Variants in SEC24A observed in about 807,000 individuals in gnomAD.
SEC24A encodes the protein SEC24 homolog A, COPII component.
In SEC24A, 93 loss-of-function variants were observed where a neutral mutation model predicts 129.4. The ratio of observed to expected loss-of-function variants is 0.72; its 90% confidence interval spans 0.61 to 0.85. The LOEUF (loss-of-function observed/expected upper bound fraction) is 0.85. Among genes scored for constraint, SEC24A ranks in the 40% least tolerant of loss-of-function variants. The pLI is 0.00. For synonymous variants in SEC24A, 460 were observed against 467.3 expected, an observed-to-expected ratio of 0.98 and a Z score of 0.20; for missense variants, 1,264 against 1,307.4, an observed-to-expected ratio of 0.97 and a Z score of 0.51.
intron 8 of SEC24A, among the ~76,000 whole-genome samples, chr5:134,681,804 G>A (rs1026206254): frequency 6.6e-6 from 1 of 152,228 alleles, no homozygotes; most frequent in Non-Finnish European, 1.5e-5. Flanking sequence ...GTTAAGTGAT[G>A]TTCCATAAAG....
At chr5:134,666,519 C>T (rs1041294432) in intron 2 of SEC24A, among the ~76,000 whole-genome samples, 8 of 151,278 alleles carry the variant, frequency 5.3e-5, no homozygotes, top group Middle Eastern at 3.4e-3. Context: ...ATAGCGCTAT[C>T]GCATTCCAGC....
At position 134,705,308 on chromosome 5, in the gene SEC24A, T is replaced by A. The variant is rs1310712465; in HGVS notation, c.2441-19T>A. ...TTATATAGTTGCCCCTCACTGTTGT[T>A]TGTGTATTTTCCCCAAAGGCGAAAG... is the stretch of plus-strand genomic sequence containing the variant. On this transcript the variant is annotated intron_variant, in intron 16 of 22. Coordinates refer to ENST00000398844, the MANE Select transcript of SEC24A (RefSeq NM_021982.3). 2 of 1,578,742 alleles carry A rather than the reference T, an allele frequency of 1.3e-6. No individual in the cohort carries two copies. Among genetic ancestry groups the A allele is most frequent in the Admixed American group, 1.7e-5 (1 of 59,740 alleles).
chr5:134,650,067 TACAG>T (rs1272631609), intron 1 of SEC24A, among the ~76,000 whole-genome samples: 1 of 152,304 alleles, frequency 6.6e-6, no homozygotes, highest in African/African-American at 2.4e-5. Flanking sequence ...AGTTGGAGAA[TACAG>T]ACAGTGACTA....
In SEC24A at chr5:134,676,885, AT is replaced by A. The variant is rs1426460611; in HGVS notation, c.1254+762del. On this transcript the variant is annotated intron_variant, in intron 7 of 22. Coordinates refer to ENST00000398844, the MANE Select transcript of SEC24A (RefSeq NM_021982.3). ...TACTTACAATTCAACCAAAAATTTT[AT>A]TACTAAACACTTTCAAATACTAGGT... Among the ~76,000 whole-genome samples the A allele has an allele frequency of 3.3e-5, 5 of 152,334 alleles. No individual in the cohort carries two copies. In the East Asian group the frequency reaches 7.7e-4, roughly 23 times the overall value.
At chr5:134,675,275 G>T in intron 6 of SEC24A, 58 bp downstream of exon 6, 1 of 1,290,176 alleles carries the variant, frequency 7.8e-7, no homozygotes, top group South Asian at 1.4e-5. Context: ...TTTTTGCAGG[G>T]GGCACATCAG....
At chr5:134,705,081 T>C (rs980729852) in intron 16 of SEC24A, among the ~76,000 whole-genome samples, 1 of 131,184 alleles carries the variant, frequency 7.6e-6, no homozygotes, top group South Asian at 2.7e-4. Context: ...TATATATATA[T>C]ATATATATAT....
chr5:134,684,732 G>A lies in SEC24A; in HGVS notation c.1492-2058G>A, dbSNP rs543922373. On this transcript the variant is annotated intron_variant, in intron 9 of 22. Transcript: ENST00000398844. ...CATCTCAAAAAACAAAAAAGAAAAAGAAAACATTTTGTTGCACTTAAGTGG... is the reference window on the plus strand; with the variant it reads ...CATCTCAAAAAACAAAAAAGAAAAAAAAAACATTTTGTTGCACTTAAGTGG... Among the ~76,000 whole-genome samples the A allele has an allele frequency of 3.3e-5, 5 of 151,992 alleles. No homozygotes were observed. The South Asian group carries it at 6.2e-4, about 19-fold the overall frequency.
At chr5:134,648,518 C>G (rs1453245481), upstream of SEC24A, 3 of 152,658 alleles carry the variant, frequency 2.0e-5, no homozygotes, top group African/African-American at 7.2e-5. Context: ...GCCCCACGAT[C>G]CTGGCTCTGC....
intron 18 of SEC24A, among the ~76,000 whole-genome samples, chr5:134,710,281 G>A (rs111765802): frequency 1.3e-5 from 2 of 150,900 alleles, no homozygotes; most frequent in African/African-American, 4.9e-5. Flanking sequence ...GCACGATCTC[G>A]GCTCACCACA....
chr5:134,665,948 G>A (rs1324076967), intron 2 of SEC24A, among the ~76,000 whole-genome samples: 1 of 152,126 alleles, frequency 6.6e-6, no homozygotes, highest in Non-Finnish European at 1.5e-5. Context: ...ACTAGAATAT[G>A]ACACATGGCC....
intron 12 of SEC24A, chr5:134,693,230 C>G: frequency 6.8e-7 from 1 of 1,479,460 alleles, no homozygotes. Context: ...TGCCATAGTG[C>G]GAAGTATTTT....
chr5:134,668,307 G>A (rs1359576407), intron 3 of SEC24A, among the ~76,000 whole-genome samples: 1 of 152,116 alleles, frequency 6.6e-6, no homozygotes, highest in East Asian at 1.9e-4. Flanking sequence ...CGAGTAACAA[G>A]GCCGGGCGTG....
intron 3 of SEC24A, among the ~76,000 whole-genome samples, chr5:134,668,775 A>T (rs1052143441): frequency 2.6e-5 from 4 of 151,944 alleles, no homozygotes; most frequent in African/African-American, 9.7e-5. Context: ...GGGCGCCTGT[A>T]ATCCCAGCTA....
At chr5:134,655,710 G>C (rs921214042) in intron 1 of SEC24A, among the ~76,000 whole-genome samples, 2 of 151,966 alleles carry the variant, frequency 1.3e-5, no homozygotes, top group African/African-American at 2.4e-5. Flanking sequence ...TGGCTTCCTG[G>C]TTATTAAATA....
rs1487451392 is a variant in SEC24A at position 134,703,777 on chromosome 5, T to C, written c.2285T>C (p.Phe762Ser). The part of the protein sequence containing the change: ...RCTKGLSIHT[F>S]HGNFFVRSTD... The stretch of plus-strand genomic sequence containing the variant: ...CTTCTAGGTCTTTCCATTCATACTT[T>C]CCATGGAAACTTCTTTGTTAGGTCA... Residue 762 changes from phenylalanine to serine, a missense_variant, in exon 16 of 23, where the codon TTC becomes TCC. Phe to Ser is a radical substitution (Grantham distance 155). Transcript: ENST00000398844. The C allele has an allele frequency of 1.9e-6, 3 of 1,612,280 alleles. No individual in the cohort carries two copies. The highest frequency in any genetic ancestry group is 2.5e-6 in the Non-Finnish European group (3 of 1,178,568).
chr5:134,660,708 A>G (rs1256559570), intron 1 of SEC24A, among the ~76,000 whole-genome samples: 2 of 151,576 alleles, frequency 1.3e-5, no homozygotes, highest in East Asian at 1.9e-4. Context: ...GGCGCATACC[A>G]TCAAGGCTGG....
In SEC24A at chr5:134,697,902, G is replaced by A. The variant is rs760149787; in HGVS notation, c.2111G>A (p.Cys704Tyr). Reference sequence around the variant, plus strand: ...AACAGTGTGTGTTCTCTTCCAGGTTGTATTTCTCGGTATTCAGCAGGTAGT... The same window carrying A: ...AACAGTGTGTGTTCTCTTCCAGGTTATATTTCTCGGTATTCAGCAGGTAGT... ...GQYSDLASLG[C>Y]ISRYSAGSVY... is the part of the protein sequence containing the mutation. Residue 704 changes from cysteine to tyrosine, a missense_variant, in exon 15 of 23, where the codon TGT becomes TAT. Transcript: ENST00000398844. 5 of 1,610,394 alleles carry A rather than the reference G, an allele frequency of 3.1e-6. No individual in the cohort carries two copies. The highest frequency in any genetic ancestry group is 2.2e-5 in the East Asian group (1 of 44,830).
chr5:134,686,239 CTTT>C (rs796933781), intron 9 of SEC24A, among the ~76,000 whole-genome samples: 1 of 144,642 alleles, frequency 6.9e-6, no homozygotes. Context: ...AGAATCCCTT[CTTT>C]TTTTTTTTTT....
In SEC24A at chr5:134,661,193, T is replaced by C; in HGVS notation, c.172T>C (p.Tyr58His). The stretch of plus-strand genomic sequence containing the variant: ...ATACAATTTCCAGCTTCCAGGATCC[T>C]ACCCTCATCCAATACCAGCAAAGAC... ...QGYNFQLPGS[Y>H]PHPIPAKTLN... The change falls in exon 2 of 23, where the codon TAC (tyrosine) becomes CAC (histidine). Residue 58 changes from tyrosine (Y) to histidine (H), a missense_variant. By Grantham distance (83) the Tyr-to-His change is moderately conservative. Transcript: ENST00000398844. 6.2e-7 allele frequency: 1 copy of C among 1,614,178 alleles called. No homozygotes were observed. The highest frequency in any genetic ancestry group is 8.5e-7 in the Non-Finnish European group (1 of 1,180,008).
Sources: gnomAD v4.1 joint callset for allele counts (sites outside exome capture counted in the v4.1 genomes callset) on GRCh38, gnomAD v4.1.1 for gene constraint, MANE v1.5 for transcripts, NCBI Gene and HGNC (gene_info 2026-07-23, HGNC 2026-07-21) for gene names.